The following SGCZ variants were observed in gnomAD, a reference collection of about 807,000 sequenced individuals.
The protein encoded by SGCZ is sarcoglycan zeta, also known as zeta-sarcoglycan.
SGCZ carries 40 observed loss-of-function variants against 41.3 expected under a neutral mutation model. The ratio of observed to expected loss-of-function variants is 0.97; its 90% CI spans 0.75 to 1.26. The LOEUF is 1.26. SGCZ is among the 50% of genes most tolerant of loss of function. The probability of loss-of-function intolerance (pLI) is 0.00; values close to 1 mark genes in which losing one functional copy is unlikely to be tolerated. For synonymous variants in SGCZ, 206 were observed against 137.5 expected (o/e 1.50, Z -3.49); for missense variants, 552 against 369.8 (o/e 1.49, Z -4.04).
chr8:14,275,647 C>G (rs534740656), intron 3 of SGCZ, among the ~76,000 whole-genome samples: 2 of 152,160 alleles, frequency 1.3e-5, no homozygotes. Context: ...CACCAGCTTA[C>G]GGACACTGAT....
intron 1 of SGCZ, among the ~76,000 whole-genome samples, chr8:14,607,864 A>G (rs1435282102): frequency 6.6e-6 from 1 of 152,224 alleles, no homozygotes; most frequent in Admixed American, 6.5e-5. Context: ...CAGTGTTAGA[A>G]GAAGGTGTTA....
At chr8:14,541,733 T>C (rs1376661427) in intron 2 of SGCZ, among the ~76,000 whole-genome samples, 3 of 152,158 alleles carry the variant, frequency 2.0e-5, no homozygotes, top group Non-Finnish European at 4.4e-5. Flanking sequence ...GTTGAACTAA[T>C]TTACACTCCC....
intron 1 of SGCZ, among the ~76,000 whole-genome samples, chr8:14,784,053 G>C (rs906223932): frequency 2.1e-5 from 3 of 145,498 alleles, no homozygotes; most frequent in African/African-American, 5.2e-5. Flanking sequence ...TTAATTTAAT[G>C]TTTTTTTTTT....
intron 2 of SGCZ, among the ~76,000 whole-genome samples, chr8:14,485,832 A>ATTTTTTT (rs1801655988): frequency 4.0e-5 from 2 of 50,498 alleles, no homozygotes; most frequent in South Asian, 8.4e-4. Flanking sequence ...TCTCTAGAAC[A>ATTTTTTT]ATTTTTTTTT....
At chr8:14,439,356 C>T (rs1344297670) in intron 2 of SGCZ, among the ~76,000 whole-genome samples, 3 of 147,250 alleles carry the variant, frequency 2.0e-5, no homozygotes, top group Non-Finnish European at 4.5e-5. Context: ...CTGGAAATTT[C>T]TATCAAACAT....
chr8:14,466,332 C>A (rs186264227), intron 2 of SGCZ, among the ~76,000 whole-genome samples: 52 of 152,044 alleles, frequency 3.4e-4, no homozygotes, highest in Non-Finnish European at 5.9e-4. Context: ...GAAGAGAAAT[C>A]TTCTGTAATG....
intron 1 of SGCZ, among the ~76,000 whole-genome samples, chr8:14,618,929 AG>A (rs1484505201): frequency 1.3e-5 from 2 of 152,174 alleles, no homozygotes; most frequent in Non-Finnish European, 2.9e-5. Flanking sequence ...GTTGAGCTGC[AG>A]AAAATAGGAA....
chr8:14,194,740 A>G (rs555170851), intron 4 of SGCZ, among the ~76,000 whole-genome samples: 32 of 152,122 alleles, frequency 2.1e-4, no homozygotes, highest in African/African-American at 7.7e-4. Context: ...AATACAAAAG[A>G]GGCAGAAACA....
At chr8:14,893,494 AC>A (rs1342809907) in intron 1 of SGCZ, among the ~76,000 whole-genome samples, 1 of 152,202 alleles carries the variant, frequency 6.6e-6, no homozygotes, top group African/African-American at 2.4e-5. Flanking sequence ...CAAAAAAGTG[AC>A]AAATTGGATT....
intron 1 of SGCZ, among the ~76,000 whole-genome samples, chr8:14,996,599 C>G (rs145838050): frequency 5.9e-5 from 9 of 152,216 alleles, no homozygotes; most frequent in African/African-American, 2.2e-4. Flanking sequence ...TTGAGGAAGT[C>G]AGATGGTGGA....
At chr8:14,256,258 G>C (rs9886426) in intron 3 of SGCZ, among the ~76,000 whole-genome samples, 3 of 152,076 alleles carry the variant, frequency 2.0e-5, no homozygotes, top group Admixed American at 6.5e-5. Context: ...GCCATCCTAA[G>C]AAAGATGTAA....
chr8:14,694,323 G>A (rs1808891385), intron 1 of SGCZ, among the ~76,000 whole-genome samples: 1 of 152,138 alleles, frequency 6.6e-6, no homozygotes, highest in African/African-American at 2.4e-5. Context: ...AATGTTGACT[G>A]CCCTTTAATA....
At chr8:14,714,230 G>A (rs1257348012) in intron 1 of SGCZ, among the ~76,000 whole-genome samples, 1 of 152,020 alleles carries the variant, frequency 6.6e-6, no homozygotes, top group Non-Finnish European at 1.5e-5. Flanking sequence ...GCCTCCCAAA[G>A]TACTAAGATT....
chr8:14,143,629 T>C lies in SGCZ; in HGVS notation c.547+20951A>G, dbSNP rs114859282. ...TCATCCCCTACTGCAAGGGCACCAA[T>C]TTAAGAACTATCTACATAGAAAAAT... On this transcript the variant is annotated intron_variant, in intron 5 of 7. Transcript: ENST00000382080. Among the ~76,000 whole-genome samples the C allele has an allele frequency of 6.7e-3, 1,017 of 152,244 alleles. 14 individuals carry two copies. The highest frequency in any genetic ancestry group is 0.024 in the African/African-American group (987 of 41,538).
intron 3 of SGCZ, among the ~76,000 whole-genome samples, chr8:14,267,264 A>G (rs1342655993): frequency 6.6e-6 from 1 of 152,108 alleles, no homozygotes; most frequent in Non-Finnish European, 1.5e-5. Flanking sequence ...CAAGTATTAT[A>G]TGTCATAAGA....
At chr8:15,080,762 T>G (rs1805715534) in intron 1 of SGCZ, among the ~76,000 whole-genome samples, 1 of 152,126 alleles carries the variant, frequency 6.6e-6, no homozygotes, top group Non-Finnish European at 1.5e-5. Context: ...AGCTAATTTT[T>G]TTTGTATTTT....
At chr8:14,221,383 C>A (rs753861684) in intron 4 of SGCZ, among the ~76,000 whole-genome samples, 1 of 152,152 alleles carries the variant, frequency 6.6e-6, no homozygotes, top group Non-Finnish European at 1.5e-5. Flanking sequence ...CTATAATTTT[C>A]AGGAGAGGCA....
At chr8:14,975,809 A>ATATATATATATGTG (rs1181919961) in intron 1 of SGCZ, among the ~76,000 whole-genome samples, 18 of 131,896 alleles carry the variant, frequency 1.4e-4, no homozygotes, top group Middle Eastern at 3.8e-3. Context: ...ATATATATAT[A>ATATATATATATGTG]TGTGTGTGTG....
rs992645361 is a variant in SGCZ at position 14,237,754 on chromosome 8, G to T, written c.337-75C>A. The T allele has an allele frequency of 4.5e-6, 6 of 1,336,618 alleles. No individual in the cohort carries two copies. The African/African-American group carries it at 5.9e-5, about 13-fold the overall frequency. 82.8% of individuals were successfully genotyped at this position (1,336,618 alleles called of 1,614,324 possible). ...ATTTACAAAAAAATATACTGCATTT[G>T]TTTGGATATTCTGAAAAATTTAATT... On this transcript the variant is annotated intron_variant, in intron 3 of 7. Transcript: ENST00000382080.
Sources: gnomAD v4.1 joint callset for allele counts (sites outside exome capture counted in the v4.1 genomes callset) on GRCh38, gnomAD v4.1.1 for gene constraint, MANE v1.5 for transcripts, NCBI Gene and HGNC (gene_info 2026-07-23, HGNC 2026-07-21) for gene names.